Variants in ACADSB observed in about 807,000 individuals in gnomAD.
ACADSB encodes acyl-CoA dehydrogenase short/branched chain.
Under a neutral mutation model 54.1 loss-of-function variants are expected in ACADSB, and 40 were observed. The ratio of observed to expected loss-of-function variants is 0.74; its 90% CI spans 0.57 to 0.96. The LOEUF (loss-of-function observed/expected upper bound fraction) is 0.96, where lower values mean the gene tolerates loss of function less well. Ranked by LOEUF, ACADSB falls within the 40% of genes least tolerant of loss-of-function variation. The pLI, the probability that ACADSB is intolerant of heterozygous loss-of-function variation, is 0.00. For synonymous variants in ACADSB, 182 were observed against 182.8 expected, an observed-to-expected ratio of 1.00 and a Z score of 0.03; for missense variants, 530 against 510.4, an observed-to-expected ratio of 1.04 and a Z score of -0.37.
intron 6 of ACADSB, among the ~76,000 whole-genome samples, chr10:123,043,686 A>G (rs1850509077): frequency 6.6e-6 from 1 of 151,978 alleles, no homozygotes; most frequent in Admixed American, 6.6e-5. Flanking sequence ...TTTTTTTTGC[A>G]TGGCTGTGGG....
chr10:123,030,552 A>G (rs567438786), intron 1 of ACADSB, among the ~76,000 whole-genome samples: 2 of 152,070 alleles, frequency 1.3e-5, no homozygotes, highest in South Asian at 2.1e-4. Flanking sequence ...AAGAAAAGAA[A>G]AAAAATTTTC....
intron 1 of ACADSB, among the ~76,000 whole-genome samples, chr10:123,032,750 C>T (rs577221772): frequency 1.3e-4 from 19 of 151,986 alleles, no homozygotes; most frequent in South Asian, 6.2e-4. Flanking sequence ...CCACCATGCC[C>T]GGCTAATTTT....
Position 123,043,090 on chromosome 10 carries a change from G to T in ACADSB, c.726G>T (p.Pro242=), listed in dbSNP as rs148114788. 1 of 1,613,720 alleles carries T rather than the reference G, an allele frequency of 6.2e-7. No homozygotes were observed. The highest frequency in any genetic ancestry group is 8.5e-7 in the Non-Finnish European group (1 of 1,179,756). ...CCTTCTTAGTAGATCGTGATACTCC[G>T]GGCCTTCATATAGGGAAACCTGAAA... The part of the protein sequence containing the change: ...ITSFLVDRDT[P]GLHIGKPENK... The change falls in exon 6 of 11, where the codon CCG becomes CCT. Residue 242 remains proline (P), a synonymous_variant. Coordinates refer to ENST00000358776, the MANE Select transcript of ACADSB (RefSeq NM_001609.4).
intron 2 of ACADSB, among the ~76,000 whole-genome samples, chr10:123,036,350 G>A (rs1001587616): frequency 6.6e-6 from 1 of 152,214 alleles, no homozygotes. Flanking sequence ...GCCTCTCAAA[G>A]TGTTGGGATT....
intron 1 of ACADSB, among the ~76,000 whole-genome samples, chr10:123,014,329 T>G (rs1285412754): frequency 8.8e-6 from 1 of 113,314 alleles, no homozygotes; most frequent in Non-Finnish European, 2.1e-5. Context: ...TTTTTAAAAT[T>G]AATTAATTAA....
intron 1 of ACADSB, among the ~76,000 whole-genome samples, chr10:123,015,919 T>C (rs6599643): frequency 0.027 from 4,096 of 152,218 alleles, 172 homozygotes; most frequent in African/African-American, 0.092. Flanking sequence ...ATAGCACCGA[T>C]GATCAGAAAG....
intron 2 of ACADSB, among the ~76,000 whole-genome samples, chr10:123,036,928 A>C (rs1423697988): frequency 6.6e-6 from 1 of 152,242 alleles, no homozygotes; most frequent in African/African-American, 2.4e-5. Context: ...TGCCTTCTCT[A>C]CCGACTTGGT....
intron 1 of ACADSB, among the ~76,000 whole-genome samples, chr10:123,011,306 C>T (rs1469813862): frequency 6.6e-6 from 1 of 152,212 alleles, no homozygotes; most frequent in Non-Finnish European, 1.5e-5. Flanking sequence ...CTTCATCTTG[C>T]AAATGAGGAA....
At chr10:123,053,335 A>C (rs1341120066) in intron 10 of ACADSB, among the ~76,000 whole-genome samples, 175 bp downstream of exon 10, 4 of 152,266 alleles carry the variant, frequency 2.6e-5, no homozygotes, top group African/African-American at 9.6e-5. Flanking sequence ...CTTCAAAAAA[A>C]ATTGTTCTAT....
intron 1 of ACADSB, among the ~76,000 whole-genome samples, chr10:123,034,103 T>TTCTG (rs1384665544): frequency 6.6e-6 from 1 of 152,248 alleles, no homozygotes; most frequent in Admixed American, 6.5e-5. Context: ...TTTGAGAAAG[T>TTCTG]TCTGTCTCCT....
rs1850678327 is a variant in ACADSB, at chr10:123,054,427, A to G, written c.*662A>G. 3 of 152,286 alleles carry G rather than the reference A, an allele frequency of 2.0e-5. No individual in the cohort carries two copies. Among genetic ancestry groups the G allele is most frequent in the Admixed American group, 6.5e-5 (1 of 15,284 alleles). 9.4% of individuals were successfully genotyped at this position (152,286 alleles called of 1,614,324 possible). ...AATATTACTTATAGAAATAGTTTAT[A>G]TTCCTATTAAATCTTAATCTTGTGG... is the stretch of plus-strand genomic sequence containing the variant. On this transcript the variant is annotated 3_prime_UTR_variant, in exon 11 of 11. Coordinates refer to ENST00000358776, the MANE Select transcript of ACADSB (RefSeq NM_001609.4).
At chr10:123,025,998 G>A (rs370054132) in intron 1 of ACADSB, among the ~76,000 whole-genome samples, 4 of 152,188 alleles carry the variant, frequency 2.6e-5, no homozygotes, top group African/African-American at 9.6e-5. Context: ...GCAGTTCTTG[G>A]GGGGAGGTTG....
intron 3 of ACADSB, among the ~76,000 whole-genome samples, chr10:123,039,051 C>G (rs1251593901): frequency 6.6e-6 from 1 of 152,246 alleles, no homozygotes; most frequent in Non-Finnish European, 1.5e-5. Flanking sequence ...TGTGCAGATG[C>G]AGCCTCACCT....
chr10:123,046,323 A>AT (rs1485293961), intron 7 of ACADSB, among the ~76,000 whole-genome samples: 2 of 152,192 alleles, frequency 1.3e-5, no homozygotes, highest in African/African-American at 4.8e-5. Flanking sequence ...TTAGCTATTG[A>AT]TTTTCTAAAA....
chr10:123,045,151 ATATATATATATATATATATATTTTT>A (rs1349761626), intron 7 of ACADSB, among the ~76,000 whole-genome samples: 24 of 8,904 alleles, frequency 2.7e-3, no homozygotes, highest in African/African-American at 0.011. Context: ...ATATATATAT[ATATATATATATATATATATATTTTT>A]TTTTTTTTTT....
intron 1 of ACADSB, among the ~76,000 whole-genome samples, chr10:123,030,548 A>AG (rs1373550164): frequency 2.0e-5 from 3 of 151,782 alleles, no homozygotes; most frequent in Non-Finnish European, 4.4e-5. Flanking sequence ...AAAAAAGAAA[A>AG]GAAAAAAAAT....
chr10:123,038,934 C>T (rs528713268), intron 3 of ACADSB, among the ~76,000 whole-genome samples: 4 of 152,296 alleles, frequency 2.6e-5, no homozygotes, highest in African/African-American at 7.2e-5. Flanking sequence ...AGCAGTCTCA[C>T]GGTTTCACAG....
chr10:123,034,181 G>T (rs1365873417), intron 1 of ACADSB, among the ~76,000 whole-genome samples, 175 bp from the exon 2 acceptor site: 2 of 115,184 alleles, frequency 1.7e-5, no homozygotes, highest in South Asian at 3.4e-4. Flanking sequence ...GATAAAGAAG[G>T]TATCACATCA....
intron 1 of ACADSB, among the ~76,000 whole-genome samples, chr10:123,018,282 GA>G (rs2133457974): frequency 6.6e-6 from 1 of 152,318 alleles, no homozygotes; most frequent in East Asian, 1.9e-4. Flanking sequence ...TTGGGAAAGA[GA>G]AATTGTTGAC....
Sources: allele counts gnomAD v4.1 joint callset (sites outside exome capture counted in the v4.1 genomes callset), GRCh38; gene constraint gnomAD v4.1.1; transcripts MANE v1.5; gene names NCBI Gene and HGNC (gene_info 2026-07-23, HGNC 2026-07-21).